RPTOR: variants seen among roughly 807,000 people sequenced by gnomAD.
The protein encoded by RPTOR is regulatory-associated protein of mTOR.
Under a neutral mutation model 169.9 loss-of-function variants are expected in RPTOR, and 21 were observed. The ratio of observed to expected loss-of-function variants is 0.12; its 90% CI spans 0.09 to 0.18. The LOEUF is 0.18. Among genes scored for constraint, RPTOR ranks in the 10% least tolerant of loss-of-function variants. The pLI is 1.00. For synonymous variants in RPTOR, 732 were observed against 753.2 expected (o/e 0.97, Z 0.46); for missense variants, 1,133 against 1,855.9 (o/e 0.61, Z 7.16).
chr17:80,582,525 C>T (rs4075782), intron 1 of RPTOR, among the ~76,000 whole-genome samples: 11,917 of 147,392 alleles, frequency 0.081, 587 homozygotes, highest in Middle Eastern at 0.13. Context: ...AGGGTGACAG[C>T]GGTCAGACAA....
chr17:80,743,745 A>ACTCTCCT (rs2066512007), intron 5 of RPTOR, among the ~76,000 whole-genome samples: 6 of 139,248 alleles, frequency 4.3e-5, no homozygotes, highest in Non-Finnish European at 7.8e-5. Context: ...GGCTACTAGC[A>ACTCTCCT]GAGCCCTGGC....
intron 4 of RPTOR, among the ~76,000 whole-genome samples, chr17:80,710,144 G>A (rs1043145550): frequency 2.0e-5 from 3 of 151,828 alleles, no homozygotes; most frequent in South Asian, 4.2e-4. Context: ...ACCTGGCTAA[G>A]TTTTGTATTT....
At chr17:80,920,827 T>G (rs1038303872) in intron 21 of RPTOR, among the ~76,000 whole-genome samples, 1 of 152,266 alleles carries the variant, frequency 6.6e-6, no homozygotes, top group Non-Finnish European at 1.5e-5. Flanking sequence ...AAGGCACATA[T>G]AAAGTTCACA....
intron 9 of RPTOR, among the ~76,000 whole-genome samples, chr17:80,837,212 A>G (rs1053660750): frequency 6.6e-6 from 1 of 152,134 alleles, no homozygotes; most frequent in Non-Finnish European, 1.5e-5. Context: ...CACCGGGGTC[A>G]TCTGTGGAGC....
intron 2 of RPTOR, among the ~76,000 whole-genome samples, chr17:80,630,461 T>C (rs1440222614): frequency 6.6e-6 from 1 of 152,222 alleles, no homozygotes; most frequent in Non-Finnish European, 1.5e-5. Flanking sequence ...TGCATGTGTG[T>C]ATAAGTATGT....
At position 80,945,674 on chromosome 17, in the gene RPTOR, G is replaced by A. The variant is rs200045560; in HGVS notation, c.3033G>A (p.Thr1011=). 1.9e-5 allele frequency: 31 copies of A among 1,607,806 alleles called. No homozygotes were observed. The Admixed American group carries it at 2.5e-4, about 13-fold the overall frequency. Residue 1011 remains threonine, a synonymous_variant, in exon 26 of 34, where the codon ACG becomes ACA. Coordinates refer to ENST00000306801, the MANE Select transcript of RPTOR (RefSeq NM_020761.3). ...GTGTGTTTCTTTTGACAGGCATTAC[G>A]AGATTGGACGACCAAATATTTCTGA... The part of the protein sequence containing the change: ...QAQQVIQKGI[T]RLDDQIFLNR...
chr17:80,949,810 G>T (rs1184612912), intron 28 of RPTOR, among the ~76,000 whole-genome samples: 1 of 152,226 alleles, frequency 6.6e-6, no homozygotes, highest in Non-Finnish European at 1.5e-5. Flanking sequence ...TTCATCCTTG[G>T]CTTGCAGACA....
intron 3 of RPTOR, among the ~76,000 whole-genome samples, chr17:80,697,256 G>C (rs1005564123): frequency 6.6e-6 from 1 of 152,222 alleles, no homozygotes; most frequent in Non-Finnish European, 1.5e-5. Context: ...ATAGGGGAGG[G>C]GCAGGCTGTA....
chr17:80,880,210 C>T (rs775143793), intron 13 of RPTOR, among the ~76,000 whole-genome samples: 5 of 152,142 alleles, frequency 3.3e-5, no homozygotes, highest in African/African-American at 1.2e-4. Context: ...TCTGGGCGTT[C>T]GTGGGATCCC....
chr17:80,850,399 T>C (rs1166164809), intron 11 of RPTOR, among the ~76,000 whole-genome samples: 1 of 152,252 alleles, frequency 6.6e-6, no homozygotes, highest in African/African-American at 2.4e-5. Flanking sequence ...TTCATTCTTT[T>C]TCTGGCTGAG....
At chr17:80,580,423 C>T (rs1308087729) in intron 1 of RPTOR, among the ~76,000 whole-genome samples, 2 of 152,284 alleles carry the variant, frequency 1.3e-5, no homozygotes, top group Non-Finnish European at 1.5e-5. Context: ...GGCTCGGCTG[C>T]CAGCCCTGGG....
intron 13 of RPTOR, among the ~76,000 whole-genome samples, chr17:80,863,549 A>G (rs1405158105): frequency 6.6e-6 from 1 of 152,240 alleles, no homozygotes; most frequent in African/African-American, 2.4e-5. Context: ...GAATTTCTAG[A>G]GATGAAAACT....
intron 3 of RPTOR, among the ~76,000 whole-genome samples, chr17:80,690,869 A>T (rs908238886): frequency 1.3e-5 from 2 of 152,108 alleles, no homozygotes; most frequent in African/African-American, 2.4e-5. Context: ...AACATGGCTC[A>T]CTGGAGCCTC....
intron 1 of RPTOR, among the ~76,000 whole-genome samples, chr17:80,570,230 C>CG (rs1374288728): frequency 2.6e-5 from 4 of 152,056 alleles, no homozygotes; most frequent in African/African-American, 4.8e-5. Context: ...CTGTATGACT[C>CG]GTTGTTCAAT....
chr17:80,756,715 ATGTT>A (rs1188741881), intron 6 of RPTOR, among the ~76,000 whole-genome samples: 4 of 152,182 alleles, frequency 2.6e-5, no homozygotes, highest in African/African-American at 4.8e-5. Context: ...GAAAAGATAA[ATGTT>A]TGAGGTGATG....
At position 80,879,231 on chromosome 17, in the gene RPTOR, G is replaced by A. The variant is rs142126066; in HGVS notation, c.1510-1184G>A. ...TCCTCGCATCCCTGGCATCATCTCC[G>A]TCCTCTGTCCTTGCTGACCCAGCTC... On this transcript the variant is annotated intron_variant, in intron 13 of 33. Transcript: ENST00000306801. 4.0e-3 allele frequency among the ~76,000 whole-genome samples: 603 copies of A among 151,804 alleles called. 2 individuals are homozygous for A. Among genetic ancestry groups the A allele is most frequent in the Middle Eastern group, 6.8e-3 (2 of 294 alleles).
intron 1 of RPTOR, among the ~76,000 whole-genome samples, chr17:80,606,562 C>T (rs1314885278): frequency 6.6e-6 from 1 of 152,066 alleles, no homozygotes; most frequent in African/African-American, 2.4e-5. Context: ...TCCCACCCTA[C>T]CTTTTCTTGA....
intron 1 of RPTOR, among the ~76,000 whole-genome samples, chr17:80,624,957 G>A (rs2065381749): frequency 6.6e-6 from 1 of 152,220 alleles, no homozygotes; most frequent in Non-Finnish European, 1.5e-5. Flanking sequence ...CCGATGGGGA[G>A]TGTGGAAGGT....
chr17:80,601,032 C>T (rs936087596), intron 1 of RPTOR, among the ~76,000 whole-genome samples: 7 of 152,150 alleles, frequency 4.6e-5, no homozygotes, highest in African/African-American at 9.7e-5. Flanking sequence ...TGGGAAATGG[C>T]GCTCTTGGCT....
Sources: gnomAD v4.1 joint callset for allele counts (sites outside exome capture counted in the v4.1 genomes callset) on GRCh38, gnomAD v4.1.1 for gene constraint, MANE v1.5 for transcripts, NCBI Gene and HGNC (gene_info 2026-07-23, HGNC 2026-07-21) for gene names.